SCHIP1: variants seen among roughly 807,000 people sequenced by gnomAD.
SCHIP1 encodes the protein schwannomin interacting protein 1.
A neutral mutation model predicts 29.7 loss-of-function variants in SCHIP1; 8 were observed. The observed-to-expected ratio is 0.27, with a 90% CI of 0.16 to 0.49. The LOEUF (loss-of-function observed/expected upper bound fraction) is 0.49. Among genes scored for constraint, SCHIP1 ranks in the 20% least tolerant of loss-of-function variants. The probability of loss-of-function intolerance (pLI) is 0.99; values close to 1 mark genes in which losing one functional copy is unlikely to be tolerated. For missense variants in SCHIP1, 193 were observed against 294.6 expected, an observed-to-expected ratio of 0.66 and a Z score of 2.52; for synonymous variants, 76 against 94.9, an observed-to-expected ratio of 0.80 and a Z score of 1.16.
At chr3:159,516,900 AAGGT>A in the SCHIP1 span, among the ~76,000 whole-genome samples, 2 of 152,224 alleles carry the variant, frequency 1.3e-5, no homozygotes, top group East Asian at 3.9e-4. Context: ...TCCTCAAGGT[AAGGT>A]GTATGCACTA....
the SCHIP1 span, among the ~76,000 whole-genome samples, chr3:159,567,628 A>G: frequency 2.0e-5 from 3 of 152,134 alleles, no homozygotes; most frequent in South Asian, 4.2e-4. Context: ...TTGTTGGTCA[A>G]ATTTTTTTCT....
chr3:159,378,559 T>C, the SCHIP1 span, among the ~76,000 whole-genome samples: 1 of 152,206 alleles, frequency 6.6e-6, no homozygotes, highest in Non-Finnish European at 1.5e-5. Context: ...GCATCTGTTA[T>C]GTGATTGCTT....
the SCHIP1 span, among the ~76,000 whole-genome samples, chr3:159,332,183 C>CAAATT: frequency 6.6e-6 from 1 of 152,222 alleles, no homozygotes; most frequent in East Asian, 1.9e-4. Context: ...ATATTAATGT[C>CAAATT]AAATTTTTAG....
At chr3:159,575,786 CA>C in the SCHIP1 span, among the ~76,000 whole-genome samples, 3 of 152,090 alleles carry the variant, frequency 2.0e-5, no homozygotes, top group Admixed American at 2.0e-4. Context: ...CAAAGTTGAT[CA>C]GTAATTCTAC....
the SCHIP1 span, among the ~76,000 whole-genome samples, chr3:159,541,055 G>A: frequency 3.0e-4 from 46 of 152,006 alleles, no homozygotes; most frequent in Admixed American, 1.8e-3. Context: ...AATAGGCTAC[G>A]GATGAACCAG....
the SCHIP1 span, among the ~76,000 whole-genome samples, chr3:159,796,989 G>A: frequency 6.6e-6 from 1 of 152,046 alleles, no homozygotes; most frequent in Non-Finnish European, 1.5e-5. Flanking sequence ...GTTATGTTTG[G>A]TCTTAAGCTT....
chr3:159,384,591 C>G, the SCHIP1 span, among the ~76,000 whole-genome samples: 2 of 151,810 alleles, frequency 1.3e-5, no homozygotes, highest in African/African-American at 4.8e-5. Flanking sequence ...GTGTCTCTGC[C>G]TGGCTGTGGT....
the SCHIP1 span, among the ~76,000 whole-genome samples, chr3:159,650,958 T>C: frequency 6.6e-6 from 1 of 152,232 alleles, no homozygotes. Flanking sequence ...TGCTACACAC[T>C]GGCAGTGTGA....
chr3:159,674,925 T>A, the SCHIP1 span, among the ~76,000 whole-genome samples: 1 of 152,148 alleles, frequency 6.6e-6, no homozygotes, highest in South Asian at 2.1e-4. Flanking sequence ...AGTTTAAGGT[T>A]GGGAGCAACT....
chr3:159,566,466 T>A, the SCHIP1 span, among the ~76,000 whole-genome samples: 1 of 152,114 alleles, frequency 6.6e-6, no homozygotes, highest in Non-Finnish European at 1.5e-5. Context: ...TAAATCTACA[T>A]ACATAAATAA....
the SCHIP1 span, among the ~76,000 whole-genome samples, chr3:159,638,962 G>C: frequency 6.6e-6 from 1 of 151,886 alleles, no homozygotes; most frequent in South Asian, 2.1e-4. Context: ...GCCCTACTTT[G>C]AGACAATTGA....
the SCHIP1 span, among the ~76,000 whole-genome samples, chr3:159,378,430 GGTT>G: frequency 1.3e-3 from 191 of 152,266 alleles, no homozygotes; most frequent in African/African-American, 4.3e-3. Flanking sequence ...ACTCTTGGGT[GGTT>G]GTTTTTGTTG....
intron 5 of SCHIP1, among the ~76,000 whole-genome samples, chr3:159,891,515 T>C (rs2109498786): frequency 6.6e-6 from 1 of 152,310 alleles, no homozygotes; most frequent in South Asian, 2.1e-4. Context: ...TTTAGAAATT[T>C]CAGGGGTTAT....
the SCHIP1 span, among the ~76,000 whole-genome samples, chr3:159,793,390 G>A: frequency 6.6e-5 from 10 of 152,076 alleles, no homozygotes; most frequent in Admixed American, 6.5e-4. Flanking sequence ...CCATTTTCTT[G>A]CCTATTGGAT....
At chr3:159,442,734 T>C in the SCHIP1 span, among the ~76,000 whole-genome samples, 1 of 152,056 alleles carries the variant, frequency 6.6e-6, no homozygotes, top group Non-Finnish European at 1.5e-5. Flanking sequence ...GTGGCCTTGC[T>C]AAGAGGCTAC....
the SCHIP1 span, among the ~76,000 whole-genome samples, chr3:159,547,647 C>T: frequency 6.6e-6 from 1 of 152,122 alleles, no homozygotes; most frequent in Admixed American, 6.6e-5. Flanking sequence ...AGCCAGTTTT[C>T]CCAGCACCAT....
chr3:159,851,079 G>T (rs777339436), intron 1 of SCHIP1, among the ~76,000 whole-genome samples: 21 of 152,302 alleles, frequency 1.4e-4, no homozygotes, highest in Admixed American at 1.0e-3. Context: ...CTCAAGACCA[G>T]CCTGGGCAAC....
chr3:159,637,899 TAGAATTA>T, the SCHIP1 span, among the ~76,000 whole-genome samples: 1 of 152,202 alleles, frequency 6.6e-6, no homozygotes, highest in African/African-American at 2.4e-5. Flanking sequence ...CTTATGCCCA[TAGAATTA>T]AGACTGAAAT....
chr3:159,680,370 G>A, the SCHIP1 span, among the ~76,000 whole-genome samples: 9 of 149,554 alleles, frequency 6.0e-5, no homozygotes, highest in East Asian at 1.6e-3. Flanking sequence ...TTAGCTGGGT[G>A]TGGCGGGGTG....
Sources: allele counts gnomAD v4.1 joint callset (sites outside exome capture counted in the v4.1 genomes callset), GRCh38; gene constraint gnomAD v4.1.1; transcripts MANE v1.5; gene names NCBI Gene and HGNC (gene_info 2026-07-23, HGNC 2026-07-21).